The following NAV1 variants were observed in gnomAD, a reference collection of about 807,000 sequenced individuals.
NAV1 encodes neuron navigator 1, also known as pore membrane and/or filament interacting like protein 3.
A neutral mutation model predicts 175.2 loss-of-function variants in NAV1; 18 were observed. That is an observed-to-expected ratio of 0.10 (90% CI 0.07 to 0.15). The LOEUF is 0.15. NAV1 is among the 10% of genes least tolerant of loss of function. The pLI is 1.00. For missense variants in NAV1, 1,731 were observed against 2,436.6 expected (o/e 0.71, Z 6.10); for synonymous variants, 897 against 978.7 (o/e 0.92, Z 1.56).
intron 13 of NAV1, chr1:201,792,854 G>C (rs1677202497): frequency 6.6e-6 from 1 of 152,270 alleles, no homozygotes; most frequent in Non-Finnish European, 1.5e-5. Flanking sequence ...ATGAAAACTA[G>C]AGTTGACCCA....
At chr1:201,753,895 A>G (rs1674293666) in intron 3 of NAV1, among the ~76,000 whole-genome samples, 1 of 152,240 alleles carries the variant, frequency 6.6e-6, no homozygotes, top group African/African-American at 2.4e-5. Context: ...TCCCAACTAC[A>G]GAAACCCAAG....
At chr1:201,785,282 C>CT (rs36061932) in intron 7 of NAV1, 28 bp from the exon 12 acceptor site, 165 of 1,475,028 alleles carry the variant, frequency 1.1e-4, no homozygotes, top group Admixed American at 3.1e-4. Context: ...CTCTCTCTCT[C>CT]TTTTTTTTTT....
At chr1:201,757,623 G>T (rs1429445007) in intron 3 of NAV1, among the ~76,000 whole-genome samples, 2 of 152,172 alleles carry the variant, frequency 1.3e-5, no homozygotes, top group Non-Finnish European at 2.9e-5. Flanking sequence ...TACATCTCCA[G>T]TGCTGTCATC....
intron 2 of NAV1, among the ~76,000 whole-genome samples, chr1:201,603,694 G>T (rs1356713318): frequency 1.3e-5 from 2 of 152,166 alleles, no homozygotes; most frequent in Non-Finnish European, 2.9e-5. Flanking sequence ...TGGGATGGGA[G>T]TATTCAGCAT....
intron 2 of NAV1, among the ~76,000 whole-genome samples, chr1:201,613,303 C>T (rs897940505): frequency 1.3e-5 from 2 of 152,172 alleles, no homozygotes; most frequent in Non-Finnish European, 2.9e-5. Flanking sequence ...CCCCGCCTCC[C>T]CCCCGCCACC....
At position 201,810,173 on chromosome 1, in the gene NAV1, A is replaced by G. The variant is rs148267706; in HGVS notation, c.4561+68A>G. ...CAGGGACAGGATCATCAAATAATCC[A>G]TCATGCATTCATTCACCAAGAACTC... On this transcript the variant is annotated intron_variant, in intron 23 of 29. Transcript: ENST00000367296. The surrounding 1 kb of genome is among the most constrained non-coding windows in gnomAD (Gnocchi z 6.0). The G allele has an allele frequency of 1.1e-5, 18 of 1,566,782 alleles. No individual in the cohort carries two copies. The highest frequency in any genetic ancestry group is 2.3e-5 in the East Asian group (1 of 44,322).
intron 15 of NAV1, among the ~76,000 whole-genome samples, chr1:201,802,415 G>A (rs61821748): frequency 0.099 from 13,008 of 131,768 alleles, 858 homozygotes; most frequent in East Asian, 0.34. Context: ...GAACCCAGGA[G>A]TTCAAGACCA....
intron 1 of NAV1, among the ~76,000 whole-genome samples, chr1:201,681,830 A>T (rs1273500174): frequency 1.3e-5 from 2 of 151,688 alleles, no homozygotes; most frequent in African/African-American, 4.9e-5. Context: ...AAAATTAGCC[A>T]AGGGCCGAGT....
Position 201,690,189 on chromosome 1 carries a change from G to A in NAV1, c.758-22628G>A, listed in dbSNP as rs1293283200. Among the ~76,000 whole-genome samples, 16 of 139,992 alleles carry A rather than the reference G, an allele frequency of 1.1e-4. No homozygotes were observed. The Admixed American group carries it at 1.2e-3, about 10-fold the overall frequency. 91.8% of individuals were successfully genotyped at this position (139,992 alleles called of 152,430 possible). A position where few individuals can be genotyped will look rare whatever the true frequency, so the allele number is the denominator to read the frequency against. On this transcript the variant is annotated intron_variant, in intron 1 of 29. Transcript: ENST00000367296. ...TCTGGCCTGTCTGTGGCAGAGTGCTGGCTATTTCCTCTCTGGCCTGTCCGT... is the reference window on the plus strand; with the variant it reads ...TCTGGCCTGTCTGTGGCAGAGTGCTAGCTATTTCCTCTCTGGCCTGTCCGT...
intron 3 of NAV1, among the ~76,000 whole-genome samples, chr1:201,760,791 T>A (rs955241766): frequency 6.6e-6 from 1 of 152,204 alleles, no homozygotes; most frequent in Non-Finnish European, 1.5e-5. Context: ...AACTTGCCCG[T>A]ATCCTGAATA....
chr1:201,788,779 T>A lies in NAV1; in HGVS notation c.3166+141T>A. ...CAAGTTGGGCCATTTCAGTTTTTTC[T>A]CCCCATCCCTTTGAAGGGTCTGGGG... On this transcript the variant is annotated intron_variant, in intron 10 of 29. Coordinates refer to ENST00000367296, the Ensembl canonical transcript of NAV1. This position sits in a 1 kb window ranked among gnomAD's most constrained non-coding sequence, Gnocchi z 5.7. 1.9e-6 allele frequency: 2 copies of A among 1,035,360 alleles called. No homozygotes were observed. The highest frequency in any genetic ancestry group is 2.7e-6 in the Non-Finnish European group (2 of 728,250). 64.1% of individuals were successfully genotyped at this position (1,035,360 alleles called of 1,614,324 possible). A position where few individuals can be genotyped will look rare whatever the true frequency, so the allele number is the denominator to read the frequency against.
exon 1 of NAV1, chr1:201,648,368 A>T (rs1376960180): frequency 8.3e-7 from 1 of 1,208,000 alleles, no homozygotes; most frequent in Non-Finnish European, 1.0e-6. Flanking sequence ...TTTAAATTTT[A>T]ATTTGTATTT....
chr1:201,698,892 T>C (rs1363839270), intron 1 of NAV1, among the ~76,000 whole-genome samples: 5 of 152,190 alleles, frequency 3.3e-5, no homozygotes, highest in Admixed American at 2.6e-4. Context: ...ATATATATCA[T>C]CTGGCAAGTC....
In NAV1 at chr1:201,810,765, G is replaced by GC. The variant is rs749952506; in HGVS notation, c.4797+13dup. On this transcript the variant is annotated splice_region_variant and intron_variant, in intron 24 of 29. Coordinates refer to ENST00000367296, the Ensembl canonical transcript of NAV1. The surrounding 1 kb of genome is among the most constrained non-coding windows in gnomAD (Gnocchi z 6.0). ...GCACCAGCAGTCTTGCAAGGTGGCTGCCCCCCGACACCCCTGCCAGCCTTT... is the reference window on the plus strand; with the variant it reads ...GCACCAGCAGTCTTGCAAGGTGGCTGCCCCCCCGACACCCCTGCCAGCCTTT... 1 of 1,608,584 alleles carries GC rather than the reference G, an allele frequency of 6.2e-7. No individual in the cohort carries two copies.
chr1:201,718,331 G>C lies in NAV1; in HGVS notation c.861-59G>C. ...AGGCATTGCTGGGGTGCATGTGAGG[G>C]GACAGGGCACACGGCGGCTGTGCCA... On this transcript the variant is annotated intron_variant, in intron 2 of 29. Coordinates refer to ENST00000367296, the Ensembl canonical transcript of NAV1. The surrounding 1 kb of genome is among the most constrained non-coding windows in gnomAD (Gnocchi z 4.8). 2 of 1,461,594 alleles carry C rather than the reference G, an allele frequency of 1.4e-6. No homozygotes were observed. The highest frequency in any genetic ancestry group is 3.1e-5 in the South Asian group (2 of 65,086). 90.5% of individuals were successfully genotyped at this position (1,461,594 alleles called of 1,614,324 possible). A position where few individuals can be genotyped will look rare whatever the true frequency, so the allele number is the denominator to read the frequency against.
chr1:201,817,473 A>T (rs12035507), intron 29 of NAV1, among the ~76,000 whole-genome samples, 188 bp downstream of exon 33: 3,200 of 151,582 alleles, frequency 0.021, 88 homozygotes, highest in East Asian at 0.094. Context: ...AAAATAAGTT[A>T]AAAAAAAACC....
chr1:201,713,900 G>T (rs1216532285), intron 2 of NAV1, among the ~76,000 whole-genome samples: 1 of 152,080 alleles, frequency 6.6e-6, no homozygotes, highest in Non-Finnish European at 1.5e-5. Flanking sequence ...CACACCCATG[G>T]ACATATTTAC....
chr1:201,790,700 G>C, exon 13 of NAV1: 1 of 1,614,130 alleles, frequency 6.2e-7, no homozygotes, highest in Non-Finnish European at 8.5e-7. Context: ...AAATCCGGAA[G>C]CTTCGTAGGG....
At chr1:201,773,747 TGAG>T (rs1295014018) in intron 3 of NAV1, among the ~76,000 whole-genome samples, 2 of 152,134 alleles carry the variant, frequency 1.3e-5, no homozygotes, top group Non-Finnish European at 2.9e-5. Flanking sequence ...CTAGATGATA[TGAG>T]GAGAATAGTA....
Sources: gnomAD v4.1 joint callset for allele counts (sites outside exome capture counted in the v4.1 genomes callset) on GRCh38, gnomAD v4.1.1 for gene constraint, Gnocchi (gnomAD v3.1) non-coding constraint, MANE v1.5 for transcripts, NCBI Gene and HGNC (gene_info 2026-07-23, HGNC 2026-07-21) for gene names.